The following PLCE1 variants were observed in gnomAD, a reference collection of about 807,000 sequenced individuals.
PLCE1 encodes the protein 1-phosphatidylinositol 4,5-bisphosphate phosphodiesterase epsilon-1.
A neutral mutation model predicts 242.8 loss-of-function variants in PLCE1; 119 were observed. The ratio of observed to expected loss-of-function variants is 0.49; its 90% CI spans 0.42 to 0.57. The LOEUF (loss-of-function observed/expected upper bound fraction) is 0.57, where lower values mean the gene tolerates loss of function less well. Among genes scored for constraint, PLCE1 ranks in the 20% least tolerant of loss-of-function variants. The pLI is 0.00. For synonymous variants in PLCE1, 945 were observed against 1,017.4 expected (o/e 0.93, Z 1.35); for missense variants, 2,441 against 2,788.8 (o/e 0.88, Z 2.81).
At chr10:94,023,373 T>A (rs2061406682) in intron 1 of PLCE1, among the ~76,000 whole-genome samples, 1 of 152,192 alleles carries the variant, frequency 6.6e-6, no homozygotes, top group South Asian at 2.1e-4. Context: ...TGCCCACTTT[T>A]CTCTCTTTTC....
At chr10:94,072,152 C>T (rs1023674422) in intron 2 of PLCE1, among the ~76,000 whole-genome samples, 1 of 152,196 alleles carries the variant, frequency 6.6e-6, no homozygotes, top group Non-Finnish European at 1.5e-5. Flanking sequence ...TAATGTTTGT[C>T]TGTTGTTATT....
At chr10:94,139,184 T>G (rs2135985330) in intron 3 of PLCE1, 1 of 152,660 alleles carries the variant, frequency 6.6e-6, no homozygotes, top group African/African-American at 2.4e-5. Flanking sequence ...CTCAGGAGGC[T>G]GAGGCAGGAG....
rs545699732 is a variant in PLCE1, at chr10:94,163,539, C to G, written c.1493-7641C>G. 3.9e-3 allele frequency among the ~76,000 whole-genome samples: 600 copies of G among 152,118 alleles called. 3 individuals are homozygous for G. The highest frequency in any genetic ancestry group is 0.013 in the African/African-American group (553 of 41,498). ...TCTTCCTCCATCCCTTTATTTTGAG[C>G]CTATGTGTGTCTCTGCACATGAGAT... On this transcript the variant is annotated intron_variant, in intron 3 of 32. Transcript: ENST00000371380.
chr10:94,016,930 G>A (rs992421425), intron 1 of PLCE1, among the ~76,000 whole-genome samples: 3 of 152,210 alleles, frequency 2.0e-5, no homozygotes, highest in South Asian at 2.1e-4. Flanking sequence ...AAATGATGAC[G>A]TAATGATATT....
At chr10:94,028,329 G>A (rs2147740) in intron 1 of PLCE1, among the ~76,000 whole-genome samples, 49,241 of 151,976 alleles carry the variant, frequency 0.32, 8,765 homozygotes, top group African/African-American at 0.48. Context: ...CCAAGATGGC[G>A]CACTCACATG....
intron 2 of PLCE1, among the ~76,000 whole-genome samples, chr10:94,085,101 T>A (rs2044766260): frequency 6.6e-6 from 1 of 152,186 alleles, no homozygotes; most frequent in Admixed American, 6.5e-5. Flanking sequence ...TCTGGACCAG[T>A]CACTGTTCTA....
chr10:94,311,508 T>C (rs1273297376), intron 27 of PLCE1, among the ~76,000 whole-genome samples: 1 of 152,266 alleles, frequency 6.6e-6, no homozygotes, highest in Non-Finnish European at 1.5e-5. Context: ...GGATATGTGC[T>C]TGGTAAATGT....
At position 94,256,323 on chromosome 10, in the gene PLCE1, CA is replaced by C. The variant is rs1316929334; in HGVS notation, c.3554+1292del. 6.9e-3 allele frequency among the ~76,000 whole-genome samples: 388 copies of C among 56,258 alleles called. 1 individual carries two copies. The highest frequency in any genetic ancestry group is 0.011 in the Non-Finnish European group (301 of 28,030). 36.9% of individuals were successfully genotyped at this position (56,258 alleles called of 152,430 possible). On this transcript the variant is annotated intron_variant, in intron 11 of 32. Transcript: ENST00000371380. ...TAGGCAACAGAGTGAGAGCTTGTCT[CA>C]AAAAAAAAAAAAAAAAAGAAAGAAA...
chr10:94,254,767 C>A, intron 10 of PLCE1, 126 bp from the exon 11 acceptor site: 2 of 1,032,882 alleles, frequency 1.9e-6, no homozygotes, highest in Non-Finnish European at 3.0e-6. Context: ...TTTGGTGCTG[C>A]TTGTATAGAA....
intron 8 of PLCE1, among the ~76,000 whole-genome samples, chr10:94,250,504 G>GA (rs112993456): frequency 5.9e-4 from 86 of 145,970 alleles, no homozygotes; most frequent in African/African-American, 1.3e-3. Flanking sequence ...CCATCTCCAA[G>GA]AAAAAAAAAA....
At chr10:94,190,038 T>C (rs2048608137) in intron 4 of PLCE1, among the ~76,000 whole-genome samples, 1 of 152,178 alleles carries the variant, frequency 6.6e-6, no homozygotes, top group South Asian at 2.1e-4. Flanking sequence ...CAGTGGCTCA[T>C]GCCTATAATC....
In PLCE1 at chr10:94,324,359, A is replaced by C. The variant is rs1379889812; in HGVS notation, c.6512A>C (p.Lys2171Thr). The change falls in exon 31 of 33, where the codon AAA becomes ACA. Residue 2171 changes from lysine to threonine, a missense_variant. By Grantham distance (78) the Lys-to-Thr change is moderately conservative. Coordinates refer to ENST00000371380, the MANE Select transcript of PLCE1 (RefSeq NM_016341.4). ...AQDVIQQTLC[K>T]AKYSYSILSN... is the part of the protein sequence containing the mutation. ...TAACTTACCTTTCAGACCTTATGCA[A>C]AGCCAAATATTCCTACAGCATCCTG... 1 of 1,613,854 alleles carries C rather than the reference A, an allele frequency of 6.2e-7. No homozygotes were observed. The highest frequency in any genetic ancestry group is 2.2e-5 in the East Asian group (1 of 44,884).
intron 4 of PLCE1, among the ~76,000 whole-genome samples, chr10:94,217,908 G>C (rs1190492617): frequency 6.6e-6 from 1 of 151,116 alleles, no homozygotes; most frequent in Non-Finnish European, 1.5e-5. Context: ...ATACACAACT[G>C]GTTTAATTGC....
intron 25 of PLCE1, among the ~76,000 whole-genome samples, chr10:94,305,217 C>T (rs1047164527): frequency 6.6e-6 from 1 of 152,088 alleles, no homozygotes; most frequent in Non-Finnish European, 1.5e-5. Context: ...TCGCTTTGCG[C>T]TCAAGAGTTC....
chr10:94,106,454 C>T (rs2045737827), intron 2 of PLCE1, among the ~76,000 whole-genome samples: 1 of 152,184 alleles, frequency 6.6e-6, no homozygotes. Context: ...TTGATGAACA[C>T]TTCAGTTATT....
chr10:94,089,239 A>T, intron 2 of PLCE1: 1 of 1,614,002 alleles, frequency 6.2e-7, no homozygotes, highest in Non-Finnish European at 8.5e-7. Flanking sequence ...GCCCCAGGAG[A>T]GGGAAGCAGG....
At chr10:94,229,776 C>A (rs1370363587) in intron 5 of PLCE1, among the ~76,000 whole-genome samples, 1 of 152,192 alleles carries the variant, frequency 6.6e-6, no homozygotes, top group Non-Finnish European at 1.5e-5. Context: ...ACATTGATCC[C>A]AGTGCATTTT....
chr10:94,086,139 A>T (rs889266739), intron 2 of PLCE1, among the ~76,000 whole-genome samples: 5 of 152,154 alleles, frequency 3.3e-5, no homozygotes, highest in African/African-American at 1.2e-4. Context: ...GGTGTGGTTA[A>T]GTGCTGTGCT....
chr10:94,331,014 T>C lies in PLCE1; in HGVS notation c.*3071T>C, dbSNP rs1332546840. The C allele has an allele frequency of 6.6e-6, 1 of 152,242 alleles. No individual in the cohort carries two copies. The highest frequency in any genetic ancestry group is 2.4e-5 in the African/African-American group (1 of 41,474). 9.4% of individuals were successfully genotyped at this position (152,242 alleles called of 1,614,324 possible). On this transcript the variant is annotated 3_prime_UTR_variant, in exon 33 of 33. Coordinates refer to ENST00000371380, the MANE Select transcript of PLCE1 (RefSeq NM_016341.4). ...AGTGAAGAGAAAGGAGCATGAATTC[T>C]GTCACTCTATTCAGTGATGCCAAAT...
Sources: gnomAD v4.1 joint callset for allele counts (sites outside exome capture counted in the v4.1 genomes callset) on GRCh38, gnomAD v4.1.1 for gene constraint, MANE v1.5 for transcripts, NCBI Gene and HGNC (gene_info 2026-07-23, HGNC 2026-07-21) for gene names.